The following ADAMTSL1 variants were observed in gnomAD, a reference collection of about 807,000 sequenced individuals.
The protein encoded by ADAMTSL1 is ADAMTS-like protein 1.
ADAMTSL1 carries 126 observed loss-of-function variants against 201.8 expected under a neutral mutation model. That is an observed-to-expected ratio of 0.62 (90% confidence interval 0.54 to 0.72). The LOEUF (loss-of-function observed/expected upper bound fraction) is 0.72. Ranked by LOEUF, ADAMTSL1 falls within the 30% of genes least tolerant of loss-of-function variation. The probability of loss-of-function intolerance (pLI) is 0.00; values close to 1 mark genes in which losing one functional copy is unlikely to be tolerated. For missense variants in ADAMTSL1, 2,679 were observed against 2,277.8 expected (o/e 1.18, Z -3.59); for synonymous variants, 1,121 against 903.4 (o/e 1.24, Z -4.32).
intron 2 of ADAMTSL1, among the ~76,000 whole-genome samples, chr9:18,325,866 G>A (rs374926697): frequency 9.9e-4 from 151 of 151,968 alleles, no homozygotes; most frequent in South Asian, 4.4e-3. Context: ...TCCGCCTCCC[G>A]CGTCGCTGGG....
chr9:18,824,221 A>G (rs1398209330), intron 21 of ADAMTSL1, among the ~76,000 whole-genome samples: 1 of 151,948 alleles, frequency 6.6e-6, no homozygotes, highest in Non-Finnish European at 1.5e-5. Flanking sequence ...CTCAGGGTCC[A>G]AAGTCCAAGC....
chr9:18,906,572 TA>T (rs1224314301), intron 27 of ADAMTSL1, 119 bp from the exon 28 acceptor site: 1 of 784,120 alleles, frequency 1.3e-6, no homozygotes, highest in Non-Finnish European at 2.0e-6. Flanking sequence ...CCAGGTCTAG[TA>T]ACGCTGAAAG....
At chr9:18,744,662 C>T (rs562602409) in intron 15 of ADAMTSL1, among the ~76,000 whole-genome samples, 4 of 152,184 alleles carry the variant, frequency 2.6e-5, no homozygotes, top group Non-Finnish European at 5.9e-5. Context: ...GTAGGTATTG[C>T]CATTATTCCC....
At chr9:18,096,613 TC>T in intron 1 of ADAMTSL1, among the ~76,000 whole-genome samples, 1 of 152,310 alleles carries the variant, frequency 6.6e-6, no homozygotes, top group Middle Eastern at 3.4e-3. Context: ...GAGCAATAGT[TC>T]CTAATGCTTT....
intron 1 of ADAMTSL1, among the ~76,000 whole-genome samples, chr9:18,153,187 A>G (rs1029157421): frequency 6.6e-6 from 1 of 152,020 alleles, no homozygotes; most frequent in Non-Finnish European, 1.5e-5. Context: ...TATACTTGCC[A>G]ACTCTTTGAA....
chr9:18,391,774 T>C (rs1186199828), intron 2 of ADAMTSL1, among the ~76,000 whole-genome samples: 1 of 152,088 alleles, frequency 6.6e-6, no homozygotes, highest in African/African-American at 2.4e-5. Context: ...TGATTTTTTG[T>C]TGTTGTTGTT....
intron 1 of ADAMTSL1, among the ~76,000 whole-genome samples, chr9:18,158,906 A>T (rs1386959337): frequency 1.3e-5 from 2 of 151,998 alleles, no homozygotes. Context: ...TCTTCAGATC[A>T]TGTGAGTTAT....
At position 18,701,859 on chromosome 9, in the gene ADAMTSL1, G is replaced by A. The variant is rs1831942790; in HGVS notation, c.1575-4888G>A. ...ACATATATGAGAAAGGAAGAGAGAG[G>A]AAAGTAATAGGATAAAAGGAAAAGT... On this transcript the variant is annotated intron_variant, in intron 13 of 28. Transcript: ENST00000380548. Among the ~76,000 whole-genome samples, 5 of 152,184 alleles carry A rather than the reference G, an allele frequency of 3.3e-5. No homozygotes were observed. The South Asian group carries it at 1.0e-3, about 32-fold the overall frequency.
intron 2 of ADAMTSL1, among the ~76,000 whole-genome samples, chr9:18,299,804 T>G (rs1177949607): frequency 6.6e-6 from 1 of 151,116 alleles, no homozygotes; most frequent in African/African-American, 2.4e-5. Context: ...CTGGAGTCTG[T>G]GAAATATGAA....
At chr9:17,922,340 A>G (rs1017826192) in intron 1 of ADAMTSL1, among the ~76,000 whole-genome samples, 1 of 152,122 alleles carries the variant, frequency 6.6e-6, no homozygotes, top group Non-Finnish European at 1.5e-5. Context: ...TGTGTTTCAC[A>G]AACTTCAGTG....
intron 2 of ADAMTSL1, among the ~76,000 whole-genome samples, chr9:18,444,810 C>A (rs1820126644): frequency 6.6e-6 from 1 of 152,032 alleles, no homozygotes; most frequent in Non-Finnish European, 1.5e-5. Flanking sequence ...AATGTCTTTC[C>A]TCCTATTTAT....
chr9:18,708,846 A>G (rs1365652232), intron 14 of ADAMTSL1, among the ~76,000 whole-genome samples: 3 of 152,236 alleles, frequency 2.0e-5, no homozygotes, highest in African/African-American at 4.8e-5. Context: ...ATAACCAGAT[A>G]CCTTTTTCTT....
At chr9:18,425,480 C>T (rs1819169112) in intron 2 of ADAMTSL1, among the ~76,000 whole-genome samples, 1 of 152,184 alleles carries the variant, frequency 6.6e-6, no homozygotes, top group Non-Finnish European at 1.5e-5. Flanking sequence ...CTAAAATATC[C>T]AAGAGCACTT....
intron 23 of ADAMTSL1, among the ~76,000 whole-genome samples, chr9:18,841,559 G>A (rs1382606640): frequency 6.6e-6 from 1 of 152,218 alleles, no homozygotes; most frequent in Non-Finnish European, 1.5e-5. Context: ...CATAAAATGA[G>A]TTAGGGAGGA....
In ADAMTSL1 at chr9:18,636,116, T is replaced by C. The variant is rs1827095850; in HGVS notation, c.676+99T>C. 3 of 1,003,998 alleles carry C rather than the reference T, an allele frequency of 3.0e-6. No individual in the cohort carries two copies. In the Admixed American group the frequency reaches 8.9e-5, roughly 30 times the overall value. The allele number at this position is 1,003,998 out of a possible 1,614,324, so 62.2% of individuals were successfully genotyped here. On this transcript the variant is annotated intron_variant, in intron 6 of 28. Transcript: ENST00000380548. ...AGATTAAAACACAAGAATACAAATC[T>C]TTCTACTCTATCATAATATGATATT...
intron 20 of ADAMTSL1, among the ~76,000 whole-genome samples, chr9:18,808,875 G>A (rs1269790629): frequency 1.3e-5 from 2 of 152,060 alleles, no homozygotes; most frequent in Non-Finnish European, 2.9e-5. Context: ...CAAACCATGG[G>A]GCCTTTCTGA....
At chr9:18,012,973 CCCACCA>C (rs1563948573) in intron 1 of ADAMTSL1, among the ~76,000 whole-genome samples, 3 of 149,896 alleles carry the variant, frequency 2.0e-5, no homozygotes, top group Non-Finnish European at 4.4e-5. Flanking sequence ...CTCCTTCTTA[CCCACCA>C]TTTACTTACC....
intron 1 of ADAMTSL1, among the ~76,000 whole-genome samples, chr9:17,908,759 A>C (rs184653770): frequency 3.3e-5 from 5 of 152,224 alleles, no homozygotes; most frequent in Non-Finnish European, 7.3e-5. Flanking sequence ...CTCCCGGCCA[A>C]TGTGACTTGT....
At chr9:18,183,069 T>A (rs950490828) in intron 2 of ADAMTSL1, among the ~76,000 whole-genome samples, 1 of 152,210 alleles carries the variant, frequency 6.6e-6, no homozygotes. Flanking sequence ...GACTTTCTCT[T>A]TCTGCCAAAA....
Sources: gnomAD v4.1 joint callset for allele counts (sites outside exome capture counted in the v4.1 genomes callset) on GRCh38, gnomAD v4.1.1 for gene constraint, MANE v1.5 for transcripts, NCBI Gene and HGNC (gene_info 2026-07-23, HGNC 2026-07-21) for gene names.